The following AUTS2 variants were observed in gnomAD, a reference collection of about 807,000 sequenced individuals.
The protein encoded by AUTS2 is activator of transcription and developmental regulator AUTS2.
A neutral mutation model predicts 112.4 loss-of-function variants in AUTS2; 17 were observed. The ratio of observed to expected loss-of-function variants is 0.15; its 90% CI spans 0.10 to 0.23. The LOEUF (loss-of-function observed/expected upper bound fraction) is 0.23, where lower values mean the gene tolerates loss of function less well. AUTS2 is among the 10% of genes least tolerant of loss of function. AUTS2 has a pLI of 1.00. For missense variants in AUTS2, 1,510 were observed against 1,701.6 expected, an observed-to-expected ratio of 0.89 and a Z score of 1.98; for synonymous variants, 751 against 702.7, an observed-to-expected ratio of 1.07 and a Z score of -1.09.
chr7:70,107,587 C>G (rs566344788), intron 2 of AUTS2, among the ~76,000 whole-genome samples: 25 of 149,964 alleles, frequency 1.7e-4, no homozygotes, highest in African/African-American at 6.1e-4. Context: ...CGTGATCCGC[C>G]CATCTCGGCC....
intron 1 of AUTS2, among the ~76,000 whole-genome samples, chr7:69,893,238 T>C (rs997089359): frequency 6.6e-6 from 1 of 152,260 alleles, no homozygotes; most frequent in Non-Finnish European, 1.5e-5. Context: ...AGTAGTCTTC[T>C]CTACTTTCTA....
chr7:69,850,398 CAAAAAAAAAAAAAAAAAAAAAAAAA>C (rs60553891), intron 1 of AUTS2, among the ~76,000 whole-genome samples: 2 of 34,656 alleles, frequency 5.8e-5, no homozygotes, highest in Non-Finnish European at 1.1e-4. Context: ...AACTCTGTCT[CAAAAAAAAAAAAAAAAAAAAAAAAA>C]AAAAAAAAAA....
At chr7:70,658,175 A>G (rs903591921) in intron 5 of AUTS2, among the ~76,000 whole-genome samples, 4 of 152,206 alleles carry the variant, frequency 2.6e-5, no homozygotes, top group Non-Finnish European at 4.4e-5. Flanking sequence ...ATAGGTACCT[A>G]CTATGGACCT....
chr7:69,950,882 T>C (rs985771283), intron 2 of AUTS2, among the ~76,000 whole-genome samples: 1 of 152,004 alleles, frequency 6.6e-6, no homozygotes. Flanking sequence ...TCTGTGTGAT[T>C]TCAGCACTTT....
intron 5 of AUTS2, among the ~76,000 whole-genome samples, chr7:70,487,757 T>C (rs1400346786): frequency 6.6e-6 from 1 of 152,122 alleles, no homozygotes; most frequent in Non-Finnish European, 1.5e-5. Context: ...GAGGAAAGGC[T>C]CAGGGGAGGC....
chr7:70,628,911 G>C (rs1805107087), intron 5 of AUTS2, among the ~76,000 whole-genome samples: 1 of 152,132 alleles, frequency 6.6e-6, no homozygotes, highest in African/African-American at 2.4e-5. Flanking sequence ...GGAACAGGGA[G>C]GGGGTGGCAG....
chr7:70,091,769 G>T (rs1402311411), intron 2 of AUTS2, among the ~76,000 whole-genome samples: 1 of 152,116 alleles, frequency 6.6e-6, no homozygotes, highest in African/African-American at 2.4e-5. Context: ...TTTCATTTCT[G>T]AGTTAGTACG....
intron 4 of AUTS2, among the ~76,000 whole-genome samples, chr7:70,139,857 T>C (rs1806763563): frequency 6.6e-6 from 1 of 151,968 alleles, no homozygotes; most frequent in African/African-American, 2.4e-5. Context: ...CAAAATTAAC[T>C]GGGCGTGGTG....
At chr7:69,635,582 C>T (rs776244966) in intron 1 of AUTS2, among the ~76,000 whole-genome samples, 7 of 152,186 alleles carry the variant, frequency 4.6e-5, no homozygotes, top group East Asian at 1.9e-4. Flanking sequence ...CCTAATTCAG[C>T]GTCCTGTCTC....
chr7:69,645,595 G>A (rs1794987023), intron 1 of AUTS2, among the ~76,000 whole-genome samples: 1 of 152,184 alleles, frequency 6.6e-6, no homozygotes, highest in Admixed American at 6.5e-5. Context: ...TGAACTGGTG[G>A]AGGTCAGCCT....
chr7:69,940,599 G>A (rs1796589370), intron 2 of AUTS2, among the ~76,000 whole-genome samples: 1 of 152,164 alleles, frequency 6.6e-6, no homozygotes, highest in Non-Finnish European at 1.5e-5. Flanking sequence ...GAAATATAAA[G>A]GGCTAAGGAC....
At chr7:70,626,821 C>T (rs1477997266) in intron 5 of AUTS2, among the ~76,000 whole-genome samples, 2 of 152,190 alleles carry the variant, frequency 1.3e-5, no homozygotes, top group African/African-American at 2.4e-5. Flanking sequence ...CAGCTGCACT[C>T]GTGTTGCTGC....
intron 6 of AUTS2, among the ~76,000 whole-genome samples, chr7:70,751,709 G>A (rs531035873): frequency 3.2e-4 from 49 of 152,178 alleles, no homozygotes; most frequent in African/African-American, 1.1e-3. Flanking sequence ...GAAGTACCGT[G>A]TTTAAGTATT....
At position 70,620,220 on chromosome 7, in the gene AUTS2, A is replaced by G. The variant is rs571180126; in HGVS notation, c.691-78349A>G. ...TCCTGAAAAACTGCATGTAAATGCA[A>G]TTTTTGACAGGTGGAATTTTGTAGC... On this transcript the variant is annotated intron_variant, in intron 5 of 18. Transcript: ENST00000342771. 5.4e-4 allele frequency among the ~76,000 whole-genome samples: 82 copies of G among 152,306 alleles called. 2 individuals are homozygous for G. Among genetic ancestry groups the G allele is most frequent in the African/African-American group, 1.8e-3 (75 of 41,566 alleles).
intron 10 of AUTS2, 33 bp from the exon 11 acceptor site, chr7:70,771,516 A>C: frequency 6.4e-7 from 1 of 1,562,374 alleles, no homozygotes; most frequent in Non-Finnish European, 8.8e-7. Flanking sequence ...TCCTACTAAA[A>C]TCTTTTTTCC....
At chr7:70,329,127 T>C (rs1790629239) in intron 4 of AUTS2, among the ~76,000 whole-genome samples, 2 of 152,238 alleles carry the variant, frequency 1.3e-5, no homozygotes, top group African/African-American at 4.8e-5. Context: ...TTTTTATAGC[T>C]GAATAATACT....
intron 1 of AUTS2, among the ~76,000 whole-genome samples, chr7:69,752,548 A>T (rs1787784797): frequency 1.3e-5 from 2 of 152,172 alleles, no homozygotes; most frequent in Admixed American, 1.3e-4. Flanking sequence ...TGCCGCTTGC[A>T]CTCAGTATTT....
At chr7:70,264,116 T>A (rs1425707331) in intron 4 of AUTS2, among the ~76,000 whole-genome samples, 2 of 152,178 alleles carry the variant, frequency 1.3e-5, no homozygotes, top group African/African-American at 4.8e-5. Flanking sequence ...AGTGGAAGCG[T>A]TCATAAAATG....
chr7:69,812,466 T>C (rs540180707), intron 1 of AUTS2, among the ~76,000 whole-genome samples: 9 of 152,312 alleles, frequency 5.9e-5, no homozygotes, highest in Middle Eastern at 3.4e-3. Context: ...GTGCCAAAGA[T>C]GGTGGCAGAA....
Sources: allele counts gnomAD v4.1 joint callset (sites outside exome capture counted in the v4.1 genomes callset), GRCh38; gene constraint gnomAD v4.1.1; transcripts MANE v1.5; gene names NCBI Gene and HGNC (gene_info 2026-07-23, HGNC 2026-07-21).